The following ETNK2 variants were observed in gnomAD, a reference collection of about 807,000 sequenced individuals.
ETNK2 encodes the protein ethanolamine kinase-like protein.
In ETNK2, 33 loss-of-function variants were observed where a neutral mutation model predicts 46.2. That is an observed-to-expected ratio of 0.71 (90% CI 0.54 to 0.96). The LOEUF (loss-of-function observed/expected upper bound fraction) is 0.96, where lower values mean the gene tolerates loss of function less well. Ranked by LOEUF, ETNK2 falls within the 40% of genes least tolerant of loss-of-function variation. ETNK2 has a pLI of 0.00. For synonymous variants in ETNK2, 194 were observed against 209.0 expected (o/e 0.93, Z 0.62); for missense variants, 445 against 509.7 (o/e 0.87, Z 1.22).
chr1:204,151,974 C>T lies in ETNK2; in HGVS notation c.-122G>A. ...AGTCCATGACTCAGGCGCGAGCTGC[C>T]CGCTTCGATCGCCGGCTCGCGGCCC... On this transcript the variant is annotated 5_prime_UTR_variant, in exon 1 of 8. Transcript: ENST00000367202. The surrounding 1 kb of genome is among the most constrained non-coding windows in gnomAD (Gnocchi z 8.0). 3 of 1,044,496 alleles carry T rather than the reference C, an allele frequency of 2.9e-6. No individual in the cohort carries two copies. Among genetic ancestry groups the T allele is most frequent in the Non-Finnish European group, 3.7e-6 (3 of 811,112 alleles). 64.7% of individuals were successfully genotyped at this position (1,044,496 alleles called of 1,614,324 possible). A position where few individuals can be genotyped will look rare whatever the true frequency, so the allele number is the denominator to read the frequency against.
rs1197144097 is a variant in ETNK2 at position 204,133,529 on chromosome 1, A to AT, written c.1088+985dup. ...TTTTTTTATCATTTCATTTTATTTT[A>AT]TTTTATTTTTTTTTTTTTTTGAGAC... On this transcript the variant is annotated intron_variant, in intron 7 of 7. Transcript: ENST00000367202. 3.5e-3 allele frequency among the ~76,000 whole-genome samples: 464 copies of AT among 131,530 alleles called. 3 individuals are homozygous for AT. The highest frequency in any genetic ancestry group is 0.012 in the African/African-American group (397 of 34,108). The allele number at this position is 131,530 out of a possible 152,430, so 86.3% of individuals were successfully genotyped here.
rs1205491918 is a variant in ETNK2, at chr1:204,151,581, G to A, written c.258+14C>T. 6.5e-7 allele frequency: 1 copy of A among 1,548,502 alleles called. No individual in the cohort carries two copies. ...GGCAGGACCCCATCCTCGGCCCCGC[G>A]CCCACTCCGCTACCTTGGTCCGAAC... On this transcript the variant is annotated intron_variant, in intron 1 of 7. Transcript: ENST00000367202. The surrounding 1 kb of genome is among the most constrained non-coding windows in gnomAD (Gnocchi z 8.0).
Position 204,151,464 on chromosome 1 carries a change from T to A in ETNK2, c.258+131A>T, listed in dbSNP as rs575290055. 2.3e-6 allele frequency: 3 copies of A among 1,331,988 alleles called. No homozygotes were observed. In the East Asian group the frequency reaches 7.8e-5, roughly 35 times the overall value. 82.5% of individuals were successfully genotyped at this position (1,331,988 alleles called of 1,614,324 possible). The stretch of plus-strand genomic sequence containing the variant: ...AAATCAATCCGTACACAAACCACGT[T>A]CCAAACCTTTCTTGCGCAGCAGCCG... On this transcript the variant is annotated intron_variant, in intron 1 of 7. Transcript: ENST00000367202. This position sits in a 1 kb window ranked among gnomAD's most constrained non-coding sequence, Gnocchi z 8.0.
Position 204,151,574 on chromosome 1 carries a change from G to A in ETNK2, c.258+21C>T, listed in dbSNP as rs1214130055. Reference sequence around the variant, plus strand: ...CAGCCCTGGCAGGACCCCATCCTCGGCCCCGCGCCCACTCCGCTACCTTGG... The same window carrying A: ...CAGCCCTGGCAGGACCCCATCCTCGACCCCGCGCCCACTCCGCTACCTTGG... On this transcript the variant is annotated intron_variant, in intron 1 of 7. Coordinates refer to ENST00000367202, the MANE Select transcript of ETNK2 (RefSeq NM_018208.4). The surrounding 1 kb of genome is among the most constrained non-coding windows in gnomAD (Gnocchi z 8.0). The A allele has an allele frequency of 6.5e-7, 1 of 1,548,394 alleles. No individual in the cohort carries two copies. The highest frequency in any genetic ancestry group is 1.2e-5 in the South Asian group (1 of 84,016).
rs148772808 is a variant in ETNK2 at position 204,134,531 on chromosome 1, C to T, written c.1072G>A (p.Asp358Asn). ...ALIQNQYSTI[D>N]FDFLRYAVIR... Reference sequence around the variant, plus strand: ...CACACTCACCTGAGGAAATCAAAGTCGATGGTGGAGTACTGGTTCTGGATG... The same window carrying T: ...CACACTCACCTGAGGAAATCAAAGTTGATGGTGGAGTACTGGTTCTGGATG... Residue 358 changes from aspartate (D) to asparagine (N), a missense_variant, in exon 7 of 8, where the codon GAC (aspartate) becomes AAC (asparagine). Asp to Asn is a conservative substitution (Grantham distance 23). Transcript: ENST00000367202. The T allele has an allele frequency of 1.7e-5, 28 of 1,613,746 alleles. 1 individual carries two copies. The highest frequency in any genetic ancestry group is 1.3e-4 in the African/African-American group (10 of 74,868).
At chr1:204,149,987 T>C in intron 1 of ETNK2, 25 bp from the exon 2 acceptor site, 1 of 19,032 alleles carries the variant, frequency 5.3e-5, no homozygotes, top group Non-Finnish European at 1.2e-4. Context: ...GGACAGTGCG[T>C]GGGTGGGTGG....
chr1:204,131,827 C>T lies in ETNK2; in HGVS notation c.*357G>A, dbSNP rs1244306871. 1 of 259,460 alleles carries T rather than the reference C, an allele frequency of 3.9e-6. No homozygotes were observed. Among genetic ancestry groups the T allele is most frequent in the Non-Finnish European group, 7.6e-6 (1 of 131,768 alleles). The allele number at this position is 259,460 out of a possible 1,614,324, so 16.1% of individuals were successfully genotyped here. A position where few individuals can be genotyped will look rare whatever the true frequency, so the allele number is the denominator to read the frequency against. On this transcript the variant is annotated 3_prime_UTR_variant, in exon 8 of 8. Coordinates refer to ENST00000367202, the MANE Select transcript of ETNK2 (RefSeq NM_018208.4). This position sits in a 1 kb window ranked among gnomAD's most constrained non-coding sequence, Gnocchi z 4.3. ...AGCCCTCCCCGCCTCCTTCCCCAGG[C>T]CAGGAAGGGGTAAACACACATATAA...
chr1:204,145,461 T>C (rs1389817226), intron 3 of ETNK2, among the ~76,000 whole-genome samples: 1 of 152,188 alleles, frequency 6.6e-6, no homozygotes. Flanking sequence ...GGCTGAAAGG[T>C]TGGAAGGACC....
At chr1:204,135,016 G>A (rs1393492667) in intron 6 of ETNK2, among the ~76,000 whole-genome samples, 2 of 152,144 alleles carry the variant, frequency 1.3e-5, no homozygotes, top group African/African-American at 4.8e-5. Context: ...GGTCAGTGGG[G>A]GGCTGGAGCC....
At position 204,147,066 on chromosome 1, in the gene ETNK2, CT is replaced by C. The variant is rs570026379; in HGVS notation, c.519-303del. 462 of 524,504 alleles carry C rather than the reference CT, an allele frequency of 8.8e-4. 2 individuals carry two copies. Among genetic ancestry groups the C allele is most frequent in the African/African-American group, 8.2e-3 (431 of 52,806 alleles). 32.5% of individuals were successfully genotyped at this position (524,504 alleles called of 1,614,324 possible). On this transcript the variant is annotated intron_variant, in intron 2 of 7. Transcript: ENST00000367202. ...TTGGTCACAGGTCAGTGGCCTTGTCCTACCCCAGTGTACCCATAGCAACTCC... is the reference window on the plus strand; with the variant it reads ...TTGGTCACAGGTCAGTGGCCTTGTCCACCCCAGTGTACCCATAGCAACTCC...
At chr1:204,136,086 AT>A (rs1446863734) in intron 6 of ETNK2, among the ~76,000 whole-genome samples, 3 of 152,202 alleles carry the variant, frequency 2.0e-5, no homozygotes, top group East Asian at 1.9e-4. Flanking sequence ...GGTTAAAAAA[AT>A]ATATATGTAT....
chr1:204,133,534 A>ATTTTT (rs1277693481), intron 7 of ETNK2, among the ~76,000 whole-genome samples: 3 of 131,076 alleles, frequency 2.3e-5, no homozygotes, highest in Non-Finnish European at 3.3e-5. Flanking sequence ...ATTTTATTTT[A>ATTTTT]TTTTTTTTTT....
chr1:204,144,001 G>A (rs1657670661), intron 3 of ETNK2, among the ~76,000 whole-genome samples: 2 of 152,092 alleles, frequency 1.3e-5, no homozygotes. Flanking sequence ...TTGCCGTAGG[G>A]CAATGTTCCT....
chr1:204,134,793 AG>A, intron 6 of ETNK2: 2 of 1,169,496 alleles, frequency 1.7e-6, no homozygotes, highest in Non-Finnish European at 2.4e-6. Context: ...TGCTAGAGAA[AG>A]GTGGGCAGAG....
At chr1:204,139,820 A>G (rs966411266) in intron 5 of ETNK2, among the ~76,000 whole-genome samples, 5 of 152,224 alleles carry the variant, frequency 3.3e-5, no homozygotes, top group Non-Finnish European at 7.3e-5. Context: ...ACAAACCTGT[A>G]CAGCATGTTA....
In ETNK2 at chr1:204,134,575, A is replaced by G. The variant is rs1407431751; in HGVS notation, c.1028T>C (p.Phe343Ser). The G allele has an allele frequency of 1.9e-6, 3 of 1,613,944 alleles. No homozygotes were observed. The African/African-American group carries it at 4.0e-5, about 22-fold the overall frequency. ...VNKFALASHF[F>S]WALWALIQNQ... is the part of the protein sequence containing the mutation. ...CTGGATGAGGGCCCAGAGAGCCCAG[A>G]AGAAGTGAGACGCCTGGAAACAGAC... Residue 343 changes from phenylalanine (F) to serine (S), a missense_variant, in exon 7 of 8, where the codon TTC becomes TCC. Physicochemically the swap from Phe to Ser is radical, Grantham distance 155 (BLOSUM62 -2). Transcript: ENST00000367202.
chr1:204,148,067 TG>T (rs1255710160), intron 2 of ETNK2, among the ~76,000 whole-genome samples: 1 of 152,190 alleles, frequency 6.6e-6, no homozygotes, highest in Non-Finnish European at 1.5e-5. Context: ...AGCATTTTCA[TG>T]CTGCAAAGCC....
At position 204,151,534 on chromosome 1, in the gene ETNK2, C is replaced by T; in HGVS notation, c.258+61G>A. On this transcript the variant is annotated intron_variant, in intron 1 of 7. Transcript: ENST00000367202. The surrounding 1 kb of genome is among the most constrained non-coding windows in gnomAD (Gnocchi z 8.0). ...CCCGGAAGGATGCGAGGACTGGGTC[C>T]CCGCATCCCCCTGGCAGCCCTGGCA... The T allele has an allele frequency of 6.5e-7, 1 of 1,541,982 alleles. No homozygotes were observed. Among genetic ancestry groups the T allele is most frequent in the South Asian group, 1.2e-5 (1 of 83,144 alleles).
At chr1:204,149,565 A>T in intron 2 of ETNK2, 138 bp downstream of exon 2, 2 of 1,108,882 alleles carry the variant, frequency 1.8e-6, no homozygotes, top group Non-Finnish European at 2.5e-6. Flanking sequence ...AGAGCAATGC[A>T]TATAAACATG....
Sources: allele counts gnomAD v4.1 joint callset (sites outside exome capture counted in the v4.1 genomes callset), GRCh38; gene constraint gnomAD v4.1.1; non-coding constraint Gnocchi (gnomAD v3.1); transcripts MANE v1.5; gene names NCBI Gene and HGNC (gene_info 2026-07-23, HGNC 2026-07-21).